UBE2H: variants seen among roughly 807,000 people sequenced by gnomAD.
The protein encoded by UBE2H is ubiquitin-conjugating enzyme E2 H.
Under a neutral mutation model 29.0 loss-of-function variants are expected in UBE2H, and 3 were observed. The ratio of observed to expected loss-of-function variants is 0.10; its 90% CI spans 0.05 to 0.27. The LOEUF (loss-of-function observed/expected upper bound fraction) is 0.27. Among genes scored for constraint, UBE2H ranks in the 10% least tolerant of loss-of-function variants. The pLI is 1.00. For missense variants in UBE2H, 68 were observed against 228.2 expected (o/e 0.30, Z 4.52); for synonymous variants, 69 against 82.9 (o/e 0.83, Z 0.91).
intron 5 of UBE2H, among the ~76,000 whole-genome samples, chr7:129,854,069 T>TTTTTTTTTATTTATTTTTTTA (rs1563022992): frequency 6.7e-6 from 1 of 149,516 alleles, no homozygotes; most frequent in Non-Finnish European, 1.5e-5. Flanking sequence ...AGTTTTTTTT[T>TTTTTTTTTATTTATTTTTTTA]TTTTTTTTTT....
In UBE2H at chr7:129,832,330, T is replaced by C. The variant is rs1458631147; in HGVS notation, c.*2607A>G. On this transcript the variant is annotated 3_prime_UTR_variant, in exon 7 of 7. Coordinates refer to ENST00000355621, the MANE Select transcript of UBE2H (RefSeq NM_003344.4). ...TAAACATGCATGGGACCAAGGTTAGTGCCCAGACAGGACAGACTTGCACAG... is the reference window on the plus strand; with the variant it reads ...TAAACATGCATGGGACCAAGGTTAGCGCCCAGACAGGACAGACTTGCACAG... 6.6e-6 allele frequency: 1 copy of C among 152,206 alleles called. No individual in the cohort carries two copies. The highest frequency in any genetic ancestry group is 1.5e-5 in the Non-Finnish European group (1 of 68,102). The allele number at this position is 152,206 out of a possible 1,614,324, so 9.4% of individuals were successfully genotyped here.
rs900863350 is a variant in UBE2H at position 129,833,803 on chromosome 7, C to A, written c.*1134G>T. 4 of 151,996 alleles carry A rather than the reference C, an allele frequency of 2.6e-5. No homozygotes were observed. Among genetic ancestry groups the A allele is most frequent in the African/African-American group, 9.7e-5 (4 of 41,366 alleles). 9.4% of individuals were successfully genotyped at this position (151,996 alleles called of 1,614,324 possible). A position where few individuals can be genotyped will look rare whatever the true frequency, so the allele number is the denominator to read the frequency against. ...CTAAAATACCCATTTCCCACTCCCA[C>A]AAGCAGATGATGACCAGGCTGCTGC... is the stretch of plus-strand genomic sequence containing the variant. On this transcript the variant is annotated 3_prime_UTR_variant, in exon 7 of 7. Coordinates refer to ENST00000355621, the MANE Select transcript of UBE2H (RefSeq NM_003344.4).
In UBE2H at chr7:129,867,699, TAAAAA is replaced by T. The variant is rs59742626; in HGVS notation, c.206-8763_206-8759del. Among the ~76,000 whole-genome samples the T allele has an allele frequency of 3.8e-3, 114 of 29,638 alleles. 3 individuals carry two copies. Among genetic ancestry groups the T allele is most frequent in the African/African-American group, 0.016 (110 of 6,888 alleles). The allele number at this position is 29,638 out of a possible 152,430, so 19.4% of individuals were successfully genotyped here. On this transcript the variant is annotated intron_variant, in intron 3 of 6. Coordinates refer to ENST00000355621, the MANE Select transcript of UBE2H (RefSeq NM_003344.4). ...ATGTACCCTAAAACTTAGAGTATAA[TAAAAA>T]AAAAAAAAAAAAAGAAAACCAAAAA... is the stretch of plus-strand genomic sequence containing the variant.
At chr7:129,936,459 T>C (rs997382844) in intron 1 of UBE2H, among the ~76,000 whole-genome samples, 1 of 151,314 alleles carries the variant, frequency 6.6e-6, no homozygotes, top group African/African-American at 2.4e-5. Context: ...CCGGGCGTAG[T>C]GGCGGGCGCC....
intron 6 of UBE2H, among the ~76,000 whole-genome samples, chr7:129,837,093 G>C (rs938293530): frequency 5.3e-5 from 8 of 152,080 alleles, no homozygotes; most frequent in African/African-American, 9.7e-5. Context: ...ATAATACAGC[G>C]CCAACTAAAT....
intron 1 of UBE2H, among the ~76,000 whole-genome samples, chr7:129,915,291 C>G (rs543590621): frequency 5.3e-5 from 8 of 152,302 alleles, no homozygotes; most frequent in African/African-American, 1.9e-4. Context: ...AATCCCAGCA[C>G]TTTGAGAGGT....
Position 129,839,223 on chromosome 7 carries a change from G to A in UBE2H, c.411C>T (p.Tyr137=). The change falls in exon 6 of 7, where the codon TAC becomes TAT. Residue 137 remains tyrosine (Y), a synonymous_variant. Coordinates refer to ENST00000355621, the MANE Select transcript of UBE2H (RefSeq NM_003344.4). Reference sequence around the variant, plus strand: ...TCCTCTTACCTTTAATTTTCTGCTTGTATTCTTCTGGTCGGTGGAGGTACA... The same window carrying A: ...TCCTCTTACCTTTAATTTTCTGCTTATATTCTTCTGGTCGGTGGAGGTACA... ...AAMYLHRPEE[Y]KQKIKEYIQK... 6.2e-7 allele frequency: 1 copy of A among 1,613,618 alleles called. No homozygotes were observed. Among genetic ancestry groups the A allele is most frequent in the East Asian group, 2.2e-5 (1 of 44,844 alleles).
intron 1 of UBE2H, among the ~76,000 whole-genome samples, chr7:129,898,418 T>C (rs565787706): frequency 6.6e-6 from 1 of 152,290 alleles, no homozygotes; most frequent in African/African-American, 2.4e-5. Context: ...GATTTAAATA[T>C]GCATCAACAA....
At chr7:129,890,677 T>C (rs1806466250) in intron 1 of UBE2H, among the ~76,000 whole-genome samples, 1 of 151,490 alleles carries the variant, frequency 6.6e-6, no homozygotes. Context: ...CAGCCAACGG[T>C]GATACTATTA....
chr7:129,888,380 A>G (rs1217078669), intron 1 of UBE2H, among the ~76,000 whole-genome samples: 1 of 152,242 alleles, frequency 6.6e-6, no homozygotes, highest in Non-Finnish European at 1.5e-5. Context: ...GGACCATTGC[A>G]GTGGCTCACA....
chr7:129,844,895 G>A (rs1048049797), intron 5 of UBE2H, among the ~76,000 whole-genome samples: 3 of 152,304 alleles, frequency 2.0e-5, no homozygotes, highest in East Asian at 1.9e-4. Context: ...TTGGGAGGCC[G>A]AGGCAGGTGG....
intron 1 of UBE2H, among the ~76,000 whole-genome samples, chr7:129,944,687 C>G (rs1807719103): frequency 6.6e-6 from 1 of 150,540 alleles, no homozygotes; most frequent in Admixed American, 6.7e-5. Context: ...AATCCTGTCT[C>G]AAAACACACA....
intron 3 of UBE2H, among the ~76,000 whole-genome samples, chr7:129,859,774 C>G (rs1478326625): frequency 6.6e-6 from 1 of 151,092 alleles, no homozygotes; most frequent in African/African-American, 2.4e-5. Flanking sequence ...ACTTCATTTC[C>G]TTTTAGGACT....
chr7:129,952,585 G>C lies in UBE2H; in HGVS notation c.-30C>G, dbSNP rs1062977. On this transcript the variant is annotated 5_prime_UTR_variant, in exon 1 of 7. Coordinates refer to ENST00000355621, the MANE Select transcript of UBE2H (RefSeq NM_003344.4). ...TCGCCGCCGCCTCTCTCCCTTCCTC[G>C]GCCCGTCTGTCACGGGCCCGGGGCC... 3.1e-6 allele frequency: 5 copies of C among 1,607,566 alleles called. No homozygotes were observed. The East Asian group carries it at 9.0e-5, about 29-fold the overall frequency.
At chr7:129,880,201 AAC>A (rs1806225636) in intron 2 of UBE2H, among the ~76,000 whole-genome samples, 1 of 152,192 alleles carries the variant, frequency 6.6e-6, no homozygotes, top group Admixed American at 6.5e-5. Context: ...AATTAAAAAT[AAC>A]ACAAAAAAAA....
chr7:129,905,965 C>CA (rs199883685), intron 1 of UBE2H, among the ~76,000 whole-genome samples: 3,213 of 141,590 alleles, frequency 0.023, 83 homozygotes, highest in African/African-American at 0.067. Context: ...ACACTGTCTC[C>CA]AAAAAAAAAA....
intron 6 of UBE2H, 98 bp downstream of exon 6, chr7:129,839,109 A>C: frequency 6.6e-7 from 1 of 1,511,900 alleles, no homozygotes; most frequent in Non-Finnish European, 8.9e-7. Flanking sequence ...CCTAAGAAAA[A>C]GTATTAGGAA....
chr7:129,854,063 T>C (rs1178028154), intron 5 of UBE2H, among the ~76,000 whole-genome samples: 1 of 146,504 alleles, frequency 6.8e-6, no homozygotes, highest in Non-Finnish European at 1.5e-5. Context: ...AGTGTTAGTT[T>C]TTTTTTTTTT....
intron 5 of UBE2H, among the ~76,000 whole-genome samples, chr7:129,840,158 A>T (rs1157473448): frequency 6.6e-6 from 1 of 152,186 alleles, no homozygotes; most frequent in Admixed American, 6.5e-5. Flanking sequence ...TAAGACAGAT[A>T]AGCACCAATC....
Sources: gnomAD v4.1 joint callset for allele counts (sites outside exome capture counted in the v4.1 genomes callset) on GRCh38, gnomAD v4.1.1 for gene constraint, MANE v1.5 for transcripts, NCBI Gene and HGNC (gene_info 2026-07-23, HGNC 2026-07-21) for gene names.